PPP1R14D: variants seen among roughly 807,000 people sequenced by gnomAD.
The protein encoded by PPP1R14D is protein phosphatase 1 regulatory subunit 14D.
A neutral mutation model predicts 17.1 loss-of-function variants in PPP1R14D; 14 were observed. The observed-to-expected ratio is 0.82, with a 90% confidence interval of 0.54 to 1.28. PPP1R14D has a LOEUF of 1.28. Among genes scored for constraint, PPP1R14D ranks in the 50% most tolerant of loss-of-function variants. The pLI, the probability that PPP1R14D is intolerant of heterozygous loss-of-function variation, is 0.00. For synonymous variants in PPP1R14D, 67 were observed against 66.1 expected (o/e 1.01, Z -0.06); for missense variants, 173 against 179.2 (o/e 0.97, Z 0.20).
rs1310776920 is a variant in PPP1R14D at position 40,823,836 on chromosome 15, T to C, written c.255+4551A>G. Among the ~76,000 whole-genome samples, 3 of 152,074 alleles carry C rather than the reference T, an allele frequency of 2.0e-5. No homozygotes were observed. In the East Asian group the frequency reaches 5.8e-4, roughly 29 times the overall value. On this transcript the variant is annotated intron_variant, in intron 1 of 3. Transcript: ENST00000299174. The stretch of plus-strand genomic sequence containing the variant: ...TCCCTGTGGTTAAGCAGGGCATGAC[T>C]ATATATTGAATATAAGGTATGTGTA...
intron 1 of PPP1R14D, among the ~76,000 whole-genome samples, chr15:40,821,162 C>G (rs1195079783): frequency 6.6e-6 from 1 of 151,954 alleles, no homozygotes; most frequent in Admixed American, 6.6e-5. Context: ...TGGTGAAACC[C>G]CATCTCTACT....
chr15:40,825,292 A>AG (rs961734122), intron 1 of PPP1R14D, among the ~76,000 whole-genome samples: 27 of 148,936 alleles, frequency 1.8e-4, no homozygotes, highest in African/African-American at 5.7e-4. Flanking sequence ...TCTCAAAAAA[A>AG]AAAAAAAGAA....
intron 1 of PPP1R14D, among the ~76,000 whole-genome samples, 154 bp downstream of exon 1, chr15:40,828,233 G>A (rs1442072300): frequency 6.6e-6 from 1 of 152,122 alleles, no homozygotes. Flanking sequence ...GCAGACTTCT[G>A]GACTTCAAAC....
intron 1 of PPP1R14D, among the ~76,000 whole-genome samples, chr15:40,819,529 T>A (rs1377133058): frequency 6.9e-6 from 1 of 145,888 alleles, no homozygotes; most frequent in African/African-American, 2.6e-5. Context: ...AAAGCAAGAC[T>A]CTCTTTCTCA....
intron 1 of PPP1R14D, among the ~76,000 whole-genome samples, chr15:40,822,722 G>A (rs1285448841): frequency 6.6e-6 from 1 of 152,082 alleles, no homozygotes; most frequent in Non-Finnish European, 1.5e-5. Context: ...CAAAGTGCTG[G>A]GATTACAGGC....
chr15:40,819,047 G>T (rs1372513874), intron 1 of PPP1R14D, among the ~76,000 whole-genome samples: 2 of 152,078 alleles, frequency 1.3e-5, no homozygotes, highest in East Asian at 3.8e-4. Context: ...AAAAAAGGAC[G>T]TGAGCTCAAA....
At chr15:40,817,315 A>G (rs1023222478) in intron 1 of PPP1R14D, 1 of 196,758 alleles carries the variant, frequency 5.1e-6, no homozygotes. Context: ...GGATCACACC[A>G]CTGCACTCCA....
At position 40,828,510 on chromosome 15, in the gene PPP1R14D, G is replaced by A. The variant is rs367690613; in HGVS notation, c.132C>T (p.Asp44=). 1.2e-6 allele frequency: 2 copies of A among 1,614,112 alleles called. No homozygotes were observed. The highest frequency in any genetic ancestry group is 1.7e-5 in the Admixed American group (1 of 59,998). ...STDSESKSHP[D]SSKIPRSRRP... ...TCCGGGACCTGGGTATCTTGGAGGA[G>A]TCCGGGTGGGACTTGGACTCTGAGT... The change falls in exon 1 of 4, where the codon GAC becomes GAT. Residue 44 remains aspartate, a synonymous_variant. Coordinates refer to ENST00000299174, the MANE Select transcript of PPP1R14D (RefSeq NM_017726.8).
chr15:40,824,869 A>C (rs1229649373), intron 1 of PPP1R14D, among the ~76,000 whole-genome samples: 1 of 152,144 alleles, frequency 6.6e-6, no homozygotes, highest in Non-Finnish European at 1.5e-5. Flanking sequence ...AGCTCTCAAA[A>C]GAGTGGTGGA....
Position 40,816,243 on chromosome 15 carries a change from G to T in PPP1R14D, c.266C>A (p.Thr89Asn), listed in dbSNP as rs1890660996. Residue 89 changes from threonine (T) to asparagine (N), a missense_variant, in exon 2 of 4, where the codon ACC (threonine) becomes AAC (asparagine). Physicochemically the swap from Thr to Asn is moderately conservative, Grantham distance 65. Transcript: ENST00000299174. ...QVQELFQDQATPSEPEIDLEA... is the reference protein window; with the variant it reads ...QVQELFQDQANPSEPEIDLEA... ...CAGGTCAATCTCAGGCTCAGAAGGG[G>T]TTGCTTGATCCTATTTGGAAATCAC... 6.2e-7 allele frequency: 1 copy of T among 1,614,068 alleles called. No homozygotes were observed.
At chr15:40,825,882 C>T (rs192489985) in intron 1 of PPP1R14D, among the ~76,000 whole-genome samples, 15 of 152,320 alleles carry the variant, frequency 9.8e-5, no homozygotes, top group African/African-American at 1.9e-4. Context: ...ACATGTCTTG[C>T]TTTCTGTGTT....
chr15:40,823,282 A>T (rs662796), intron 1 of PPP1R14D, among the ~76,000 whole-genome samples: 46,425 of 151,084 alleles, frequency 0.31, 8,192 homozygotes, highest in East Asian at 0.65. Flanking sequence ...ATTTTTAAAA[A>T]TTTTTTTGTT....
At chr15:40,822,068 A>G (rs1010713862) in intron 1 of PPP1R14D, among the ~76,000 whole-genome samples, 4 of 152,192 alleles carry the variant, frequency 2.6e-5, no homozygotes, top group Non-Finnish European at 4.4e-5. Flanking sequence ...GCTTAAGTTC[A>G]GGAGTTCGAG....
At chr15:40,825,614 G>A (rs1890857720) in intron 1 of PPP1R14D, among the ~76,000 whole-genome samples, 1 of 152,198 alleles carries the variant, frequency 6.6e-6, no homozygotes. Flanking sequence ...TCTAAGGTGG[G>A]TATCTGGGGT....
intron 1 of PPP1R14D, chr15:40,817,233 C>T (rs1279225329): frequency 1.3e-5 from 4 of 297,568 alleles, no homozygotes; most frequent in African/African-American, 4.6e-5. Context: ...TGCGCATACC[C>T]GTAATCCCAG....
intron 1 of PPP1R14D, among the ~76,000 whole-genome samples, chr15:40,823,829 G>A (rs1402954129): frequency 5.9e-5 from 9 of 151,928 alleles, no homozygotes; most frequent in South Asian, 2.1e-4. Flanking sequence ...GTTAAGCAGG[G>A]CATGACTATA....
At chr15:40,819,410 A>G (rs887744942) in intron 1 of PPP1R14D, among the ~76,000 whole-genome samples, 1 of 151,968 alleles carries the variant, frequency 6.6e-6, no homozygotes, top group East Asian at 1.9e-4. Flanking sequence ...TTAGCCAGGT[A>G]TGGTGCCGTG....
At chr15:40,823,932 G>A (rs1890827613) in intron 1 of PPP1R14D, among the ~76,000 whole-genome samples, 1 of 151,344 alleles carries the variant, frequency 6.6e-6, no homozygotes, top group Admixed American at 6.6e-5. Flanking sequence ...GCCAAGGTGG[G>A]AAGATTGCTT....
At chr15:40,821,317 A>G (rs1428996626) in intron 1 of PPP1R14D, among the ~76,000 whole-genome samples, 1 of 152,158 alleles carries the variant, frequency 6.6e-6, no homozygotes, top group Non-Finnish European at 1.5e-5. Context: ...CCTGGGTGAC[A>G]GAGTGAGAGT....
Sources: allele counts gnomAD v4.1 joint callset (sites outside exome capture counted in the v4.1 genomes callset), GRCh38; gene constraint gnomAD v4.1.1; transcripts MANE v1.5; gene names NCBI Gene and HGNC (gene_info 2026-07-23, HGNC 2026-07-21).